The following FOXN3 variants were observed in gnomAD, a reference collection of about 807,000 sequenced individuals.
FOXN3 encodes forkhead box N3.
FOXN3 carries 7 observed loss-of-function variants against 38.4 expected under a neutral mutation model. The observed-to-expected ratio is 0.18, with a 90% confidence interval of 0.10 to 0.34. The LOEUF (loss-of-function observed/expected upper bound fraction) is 0.34. Ranked by LOEUF, FOXN3 falls within the 10% of genes least tolerant of loss-of-function variation. The pLI, the probability that FOXN3 is intolerant of heterozygous loss-of-function variation, is 1.00. For synonymous variants in FOXN3, 230 were observed against 242.2 expected (o/e 0.95, Z 0.47); for missense variants, 456 against 613.4 (o/e 0.74, Z 2.71).
intron 1 of FOXN3, among the ~76,000 whole-genome samples, chr14:89,584,737 G>A (rs1367581901): frequency 1.3e-5 from 2 of 150,252 alleles, no homozygotes; most frequent in African/African-American, 2.5e-5. Context: ...TTTTTTGACA[G>A]AGTCTCACTC....
chr14:89,520,733 C>T (rs1033809646), intron 1 of FOXN3, among the ~76,000 whole-genome samples: 2 of 152,134 alleles, frequency 1.3e-5, no homozygotes, highest in African/African-American at 4.8e-5. Flanking sequence ...TCATTCACAA[C>T]AACCAAGTTA....
intron 1 of FOXN3, among the ~76,000 whole-genome samples, chr14:89,551,491 G>A (rs963814707): frequency 4.0e-5 from 6 of 151,784 alleles, no homozygotes; most frequent in African/African-American, 1.5e-4. Context: ...TCACAGCCCC[G>A]ACAAAAAAGG....
chr14:89,509,702 G>A (rs1475627571), intron 1 of FOXN3, among the ~76,000 whole-genome samples: 2 of 152,218 alleles, frequency 1.3e-5, no homozygotes, highest in African/African-American at 2.4e-5. Flanking sequence ...ATTCACTGCT[G>A]TATCCCAGTA....
chr14:89,499,376 A>G (rs1210997349), intron 1 of FOXN3, among the ~76,000 whole-genome samples: 2 of 152,198 alleles, frequency 1.3e-5, no homozygotes, highest in Non-Finnish European at 2.9e-5. Context: ...CTCTAGGTCA[A>G]TTAGCCTAAA....
chr14:89,230,416 A>G (rs984448371), intron 4 of FOXN3, among the ~76,000 whole-genome samples: 1 of 152,148 alleles, frequency 6.6e-6, no homozygotes, highest in Non-Finnish European at 1.5e-5. Context: ...ATGGAATTCC[A>G]GCTAAAGCAC....
chr14:89,257,439 C>G (rs1048440250), intron 4 of FOXN3, among the ~76,000 whole-genome samples: 3 of 152,144 alleles, frequency 2.0e-5, no homozygotes, highest in Non-Finnish European at 4.4e-5. Context: ...GTCGAATTAC[C>G]CTCTAGAGAA....
intron 3 of FOXN3, among the ~76,000 whole-genome samples, chr14:89,322,622 G>A (rs932211485): frequency 6.6e-6 from 1 of 152,204 alleles, no homozygotes; most frequent in African/African-American, 2.4e-5. Context: ...AAGGGGACCG[G>A]TGGGGCAGTC....
At chr14:89,543,251 G>A (rs1383632447) in intron 1 of FOXN3, among the ~76,000 whole-genome samples, 2 of 152,178 alleles carry the variant, frequency 1.3e-5, no homozygotes, top group Admixed American at 6.6e-5. Flanking sequence ...CAACTTGGAT[G>A]CTCACGGTCC....
Position 89,156,635 on chromosome 14 carries a change from C to A in FOXN3, c.*5779G>T, listed in dbSNP as rs550205668. On this transcript the variant is annotated 3_prime_UTR_variant, in exon 6 of 6. Coordinates refer to ENST00000557258, the MANE Select transcript of FOXN3 (RefSeq NM_005197.4). ...TCTTGGTCTTCTGATTGCTTTATCA[C>A]TTTTTTTTTTTTTCTGTAAAACAAA... The A allele has an allele frequency of 2.1e-5, 3 of 145,262 alleles. No homozygotes were observed. The highest frequency in any genetic ancestry group is 1.4e-4 in the Admixed American group (2 of 14,488). The allele number at this position is 145,262 out of a possible 1,614,324, so 9.0% of individuals were successfully genotyped here. A position where few individuals can be genotyped will look rare whatever the true frequency, so the allele number is the denominator to read the frequency against.
At chr14:89,275,033 C>G (rs1886259809) in intron 4 of FOXN3, among the ~76,000 whole-genome samples, 1 of 152,152 alleles carries the variant, frequency 6.6e-6, no homozygotes. Context: ...ATGAACTGTC[C>G]TATGTGCTTG....
intron 1 of FOXN3, among the ~76,000 whole-genome samples, chr14:89,446,258 G>A (rs528365092): frequency 8.5e-4 from 108 of 126,414 alleles, no homozygotes; most frequent in African/African-American, 2.3e-3. Flanking sequence ...GCCCAATCTC[G>A]GCTCACTGCA....
At chr14:89,405,747 C>T (rs1891370546) in intron 2 of FOXN3, among the ~76,000 whole-genome samples, 1 of 152,100 alleles carries the variant, frequency 6.6e-6, no homozygotes, top group Non-Finnish European at 1.5e-5. Context: ...TCCTGTGCCC[C>T]CAGAGTTAAT....
At chr14:89,248,432 T>C (rs1885358004) in intron 4 of FOXN3, among the ~76,000 whole-genome samples, 1 of 152,160 alleles carries the variant, frequency 6.6e-6, no homozygotes, top group South Asian at 2.1e-4. Flanking sequence ...ATTAATACTC[T>C]CCCCATCCCT....
Position 89,417,113 on chromosome 14 carries a change from C to T in FOXN3, c.-257G>A, listed in dbSNP as rs1190373876. 6.9e-6 allele frequency: 1 copy of T among 144,368 alleles called. No homozygotes were observed. The highest frequency in any genetic ancestry group is 2.1e-4 in the South Asian group (1 of 4,742). The allele number at this position is 144,368 out of a possible 1,614,324, so 8.9% of individuals were successfully genotyped here. ...CCGGGCGCGCCGCGCGTCCTCCCGC[C>T]GGCCCCGCCGCTCTCCCCGCCCCGT... On this transcript the variant is annotated 5_prime_UTR_variant, in exon 1 of 6. Coordinates refer to ENST00000557258, the MANE Select transcript of FOXN3 (RefSeq NM_005197.4).
chr14:89,464,495 G>A (rs1023555219), intron 1 of FOXN3, among the ~76,000 whole-genome samples: 1 of 152,238 alleles, frequency 6.6e-6, no homozygotes, highest in Middle Eastern at 3.4e-3. Flanking sequence ...TGCTGAGAAA[G>A]CTTCCTTAAC....
At chr14:89,531,469 C>A (rs1057339988) in intron 1 of FOXN3, among the ~76,000 whole-genome samples, 1 of 152,144 alleles carries the variant, frequency 6.6e-6, no homozygotes, top group Non-Finnish European at 1.5e-5. Context: ...CTCAGTTTGC[C>A]AGAATGTTCT....
chr14:89,547,769 C>T (rs1189598047), intron 1 of FOXN3, among the ~76,000 whole-genome samples: 1 of 152,194 alleles, frequency 6.6e-6, no homozygotes, highest in Admixed American at 6.5e-5. Flanking sequence ...TGACCAGCAC[C>T]AAGGCTGGTG....
chr14:89,561,920 T>C (rs1451324709), intron 1 of FOXN3, among the ~76,000 whole-genome samples: 1 of 152,226 alleles, frequency 6.6e-6, no homozygotes, highest in African/African-American at 2.4e-5. Flanking sequence ...GGAAAATCAA[T>C]TGTCAACAGA....
At chr14:89,179,976 G>A (rs961650556) in intron 5 of FOXN3, among the ~76,000 whole-genome samples, 5 of 152,256 alleles carry the variant, frequency 3.3e-5, no homozygotes, top group Non-Finnish European at 7.3e-5. Flanking sequence ...ACAGCTAGAG[G>A]GGCACGGAGT....
Sources: allele counts gnomAD v4.1 joint callset (sites outside exome capture counted in the v4.1 genomes callset), GRCh38; gene constraint gnomAD v4.1.1; transcripts MANE v1.5; gene names NCBI Gene and HGNC (gene_info 2026-07-23, HGNC 2026-07-21).